SLC7A1: variants seen among roughly 807,000 people sequenced by gnomAD.
SLC7A1 encodes the protein high affinity cationic amino acid transporter 1.
Under a neutral mutation model 53.9 loss-of-function variants are expected in SLC7A1, and 10 were observed. The observed-to-expected ratio is 0.19, with a 90% CI of 0.11 to 0.31. The LOEUF is 0.31. SLC7A1 is among the 10% of genes least tolerant of loss of function. The probability of loss-of-function intolerance (pLI) is 1.00; values close to 1 mark genes in which losing one functional copy is unlikely to be tolerated. For synonymous variants in SLC7A1, 342 were observed against 338.7 expected, an observed-to-expected ratio of 1.01 and a Z score of -0.11; for missense variants, 525 against 827.2, an observed-to-expected ratio of 0.63 and a Z score of 4.48.
chr13:29,544,996 A>G (rs992036925), intron 2 of SLC7A1, among the ~76,000 whole-genome samples: 4 of 151,972 alleles, frequency 2.6e-5, no homozygotes, highest in Non-Finnish European at 5.9e-5. Context: ...TAGTATTGAC[A>G]GGACCACAGC....
chr13:29,515,722 C>G (rs1011005446), intron 12 of SLC7A1, among the ~76,000 whole-genome samples: 2 of 152,232 alleles, frequency 1.3e-5, no homozygotes. Context: ...CCCATAGGCT[C>G]CAAAGCACTC....
chr13:29,522,766 C>T lies in SLC7A1; in HGVS notation c.1050-310G>A, dbSNP rs551968897. 1.1e-3 allele frequency among the ~76,000 whole-genome samples: 167 copies of T among 152,312 alleles called. No individual in the cohort carries two copies. The Middle Eastern group carries it at 0.014, about 12-fold the overall frequency. On this transcript the variant is annotated intron_variant, in intron 7 of 12. Transcript: ENST00000380752. ...TATTTATTCCTGCAATTATTTCTAGCTGAATCAAACAGAAAATACAAGCAT... is the reference window on the plus strand; with the variant it reads ...TATTTATTCCTGCAATTATTTCTAGTTGAATCAAACAGAAAATACAAGCAT...
In SLC7A1 at chr13:29,511,827, T is replaced by C. The variant is rs1002795961; in HGVS notation, c.*2653A>G. Reference sequence around the variant, plus strand: ...TTCCAATGTGGGTATTTGTGGCTGGTGCACAGATAAAAGTAGACACAATAC... The same window carrying C: ...TTCCAATGTGGGTATTTGTGGCTGGCGCACAGATAAAAGTAGACACAATAC... On this transcript the variant is annotated 3_prime_UTR_variant, in exon 13 of 13. Coordinates refer to ENST00000380752, the MANE Select transcript of SLC7A1 (RefSeq NM_003045.5). 1 of 151,956 alleles carries C rather than the reference T, an allele frequency of 6.6e-6. No individual in the cohort carries two copies. Among genetic ancestry groups the C allele is most frequent in the African/African-American group, 2.4e-5 (1 of 41,438 alleles). 9.4% of individuals were successfully genotyped at this position (151,956 alleles called of 1,614,324 possible).
intron 2 of SLC7A1, among the ~76,000 whole-genome samples, chr13:29,540,839 A>G (rs1008035075): frequency 1.3e-4 from 20 of 152,340 alleles, no homozygotes; most frequent in Non-Finnish European, 5.9e-5. Context: ...CGTTTGTATC[A>G]GGCTAAGGAA....
At chr13:29,586,980 G>A (rs535213351) in intron 1 of SLC7A1, among the ~76,000 whole-genome samples, 1 of 152,374 alleles carries the variant, frequency 6.6e-6, no homozygotes, top group African/African-American at 2.4e-5. Context: ...TGGGCGTTAC[G>A]TGGACTCAGC....
chr13:29,570,106 C>T (rs1871132456), intron 1 of SLC7A1, among the ~76,000 whole-genome samples: 1 of 152,234 alleles, frequency 6.6e-6, no homozygotes, highest in East Asian at 1.9e-4. Flanking sequence ...AGCAGCTCCC[C>T]ACCTGCCTGT....
In SLC7A1 at chr13:29,512,769, G is replaced by A. The variant is rs150778492; in HGVS notation, c.*1711C>T. ...ATCAGAATAAAGCTCCCAGCAAGGT[G>A]AGCAGGCCTGATACGGAGGCTCAGC... is the stretch of plus-strand genomic sequence containing the variant. On this transcript the variant is annotated 3_prime_UTR_variant, in exon 13 of 13. Transcript: ENST00000380752. 2.0e-5 allele frequency: 3 copies of A among 148,028 alleles called. No homozygotes were observed. Among genetic ancestry groups the A allele is most frequent in the Admixed American group, 6.7e-5 (1 of 15,020 alleles). 9.2% of individuals were successfully genotyped at this position (148,028 alleles called of 1,614,324 possible). A position where few individuals can be genotyped will look rare whatever the true frequency, so the allele number is the denominator to read the frequency against.
intron 1 of SLC7A1, among the ~76,000 whole-genome samples, chr13:29,584,772 C>T (rs1871806700): frequency 6.6e-6 from 1 of 152,034 alleles, no homozygotes; most frequent in Non-Finnish European, 1.5e-5. Flanking sequence ...TCCATCCAAC[C>T]TTTTCAAGAA....
intron 11 of SLC7A1, chr13:29,516,728 T>C (rs996501579): frequency 5.7e-6 from 1 of 176,088 alleles, no homozygotes; most frequent in Non-Finnish European, 1.2e-5. Context: ...TCTGCTATTA[T>C]GTATAAACTT....
chr13:29,573,482 G>A (rs59260312), intron 1 of SLC7A1, among the ~76,000 whole-genome samples: 18,523 of 152,154 alleles, frequency 0.12, 1,355 homozygotes, highest in African/African-American at 0.2. Flanking sequence ...AAAGGCAGAC[G>A]GACTTCTCTA....
intron 1 of SLC7A1, among the ~76,000 whole-genome samples, chr13:29,589,804 T>C (rs1475525006): frequency 1.3e-5 from 2 of 152,010 alleles, no homozygotes; most frequent in Non-Finnish European, 2.9e-5. Context: ...GACATCTGGG[T>C]TCCAATCTTC....
chr13:29,590,383 TATACACATACAC>T (rs903597823), intron 1 of SLC7A1, among the ~76,000 whole-genome samples: 1 of 151,992 alleles, frequency 6.6e-6, no homozygotes, highest in African/African-American at 2.4e-5. Context: ...CACACATACA[TATACACATACAC>T]ATACACATAC....
At chr13:29,529,709 G>A (rs765039923) in intron 5 of SLC7A1, among the ~76,000 whole-genome samples, 1 of 152,184 alleles carries the variant, frequency 6.6e-6, no homozygotes, top group Admixed American at 6.5e-5. Flanking sequence ...ACTCCATTGT[G>A]GCAGTTGGAG....
In SLC7A1 at chr13:29,572,856, A is replaced by G. The variant is rs1041858573; in HGVS notation, c.-114-18996T>C. 3.9e-5 allele frequency among the ~76,000 whole-genome samples: 6 copies of G among 152,204 alleles called. No individual in the cohort carries two copies. The South Asian group carries it at 8.3e-4, about 21-fold the overall frequency. ...GAAGCAGCCAACACACACAACCGCA[A>G]GGGCCAACTCAACATGGTAATCAAC... On this transcript the variant is annotated intron_variant, in intron 1 of 12. Coordinates refer to ENST00000380752, the MANE Select transcript of SLC7A1 (RefSeq NM_003045.5).
At chr13:29,549,030 C>T (rs903105546) in intron 2 of SLC7A1, among the ~76,000 whole-genome samples, 84 of 152,214 alleles carry the variant, frequency 5.5e-4, no homozygotes, top group African/African-American at 1.9e-3. Flanking sequence ...AATGTCACAG[C>T]CTCTTGGCCT....
chr13:29,523,525 G>GCCTCTTGCTGTGTGC, intron 6 of SLC7A1, 37 bp from the exon 7 acceptor site: 1 of 1,481,834 alleles, frequency 6.7e-7, no homozygotes. Flanking sequence ...AGGGCACACA[G>GCCTCTTGCTGTGTGC]CAAGAGGCAG....
rs1160302542 is a variant in SLC7A1, at chr13:29,595,607, AC to A, written c.-307del. On this transcript the variant is annotated 5_prime_UTR_variant, in exon 1 of 13. It introduces an in-frame stop codon into an upstream open reading frame of the 5' UTR. Transcript: ENST00000380752. ...CGCGTGCGCGCCTGCCAGGTAGTTGACCCGCTGCTCACACCTGCCTGCGCGG... is the reference window on the plus strand; with the variant it reads ...CGCGTGCGCGCCTGCCAGGTAGTTGACCGCTGCTCACACCTGCCTGCGCGG... The A allele has an allele frequency of 6.7e-6, 1 of 150,004 alleles. No individual in the cohort carries two copies. 9.3% of individuals were successfully genotyped at this position (150,004 alleles called of 1,614,324 possible).
intron 2 of SLC7A1, among the ~76,000 whole-genome samples, chr13:29,552,654 T>C (rs1301006728): frequency 6.6e-6 from 1 of 152,230 alleles, no homozygotes; most frequent in Non-Finnish European, 1.5e-5. Flanking sequence ...CTTAAGGACA[T>C]GTTCCTGCTG....
At chr13:29,580,212 G>C (rs3803266) in intron 1 of SLC7A1, among the ~76,000 whole-genome samples, 84,805 of 151,964 alleles carry the variant, frequency 0.56, 28,126 homozygotes, top group Non-Finnish European at 0.75. Context: ...TCTAACTCCA[G>C]GCCGTGACTG....
Sources: gnomAD v4.1 joint callset for allele counts (sites outside exome capture counted in the v4.1 genomes callset) on GRCh38, gnomAD v4.1.1 for gene constraint, MANE v1.5 for transcripts, NCBI Gene and HGNC (gene_info 2026-07-23, HGNC 2026-07-21) for gene names.